SYTL1: variants seen among roughly 807,000 people sequenced by gnomAD.
SYTL1 encodes synaptotagmin-like protein 1.
A neutral mutation model predicts 74.6 loss-of-function variants in SYTL1; 53 were observed. That is an observed-to-expected ratio of 0.71 (90% CI 0.57 to 0.89). The LOEUF is 0.89. SYTL1 is among the 40% of genes least tolerant of loss of function. The probability of loss-of-function intolerance (pLI) is 0.00; values close to 1 mark genes in which losing one functional copy is unlikely to be tolerated. For synonymous variants in SYTL1, 329 were observed against 324.9 expected (o/e 1.01, Z -0.14); for missense variants, 728 against 768.7 (o/e 0.95, Z 0.63).
Position 27,347,814 on chromosome 1 carries a change from A to G in SYTL1, c.347A>G (p.Gln116Arg). Residue 116 changes from glutamine to arginine, a missense_variant, in exon 4 of 15, where the codon CAG becomes CGG. Physicochemically the swap from Gln to Arg is conservative, Grantham distance 43. Transcript: ENST00000616558. The surrounding 1 kb of genome is among the most constrained non-coding windows in gnomAD (Gnocchi z 4.9). ...ACTTCTCACCTGCGCCCAGGAGACC[A>G]GGCTCCAGGCCACGACAGGGAGGCT... ...MRRKKSTRGD[Q>R]APGHDREAEA... 6.2e-7 allele frequency: 1 copy of G among 1,613,488 alleles called. No homozygotes were observed. The highest frequency in any genetic ancestry group is 8.5e-7 in the Non-Finnish European group (1 of 1,179,736).
chr1:27,349,681 T>A lies in SYTL1; in HGVS notation c.663T>A (p.Asn221Lys), dbSNP rs376618710. The change falls in exon 8 of 15, where the codon AAT becomes AAA. Residue 221 changes from asparagine (N) to lysine (K), a missense_variant. Coordinates refer to ENST00000616558, the MANE Select transcript of SYTL1 (RefSeq NM_001193308.2). Reference protein sequence around the residue: ...QTKAASQILENGEEAPGPDPS... With the variant: ...QTKAASQILEKGEEAPGPDPS... Reference sequence around the variant, plus strand: ...AGGCCGCGTCCCAGATCCTGGAGAATGGGGAGGAGGCCCCGGGGCCCGACC... The same window carrying A: ...AGGCCGCGTCCCAGATCCTGGAGAAAGGGGAGGAGGCCCCGGGGCCCGACC... The A allele has an allele frequency of 1.8e-5, 29 of 1,610,438 alleles. No individual in the cohort carries two copies. Among genetic ancestry groups the A allele is most frequent in the Non-Finnish European group, 2.5e-5 (29 of 1,178,906 alleles).
chr1:27,349,709 T>C lies in SYTL1; in HGVS notation c.691T>C (p.Ser231Pro). 1 of 1,611,014 alleles carries C rather than the reference T, an allele frequency of 6.2e-7. No individual in the cohort carries two copies. The highest frequency in any genetic ancestry group is 8.5e-7 in the Non-Finnish European group (1 of 1,179,368). Reference sequence around the variant, plus strand: ...GGAGGAGGCCCCGGGGCCCGACCCCTCTCTCGACCGCATGCTCAGCAGCAG... The same window carrying C: ...GGAGGAGGCCCCGGGGCCCGACCCCCCTCTCGACCGCATGCTCAGCAGCAG... ...NGEEAPGPDPSLDRMLSSSSS... is the reference protein window; with the variant it reads ...NGEEAPGPDPPLDRMLSSSSS... Residue 231 changes from serine to proline, a missense_variant, in exon 8 of 15, where the codon TCT (serine) becomes CCT (proline). Transcript: ENST00000616558.
chr1:27,349,796 C>CG, intron 8 of SYTL1, 31 bp downstream of exon 8: 7 of 1,566,372 alleles, frequency 4.5e-6, no homozygotes, highest in Non-Finnish European at 6.0e-6. Flanking sequence ...CCCGGGCGGC[C>CG]GGGGGGTGGA....
chr1:27,342,558 G>C lies in SYTL1; in HGVS notation c.-39+408G>C, dbSNP rs558038210. 9.9e-5 allele frequency among the ~76,000 whole-genome samples: 15 copies of C among 152,162 alleles called. No individual in the cohort carries two copies. Among genetic ancestry groups the C allele is most frequent in the Non-Finnish European group, 2.2e-4 (15 of 68,034 alleles). On this transcript the variant is annotated intron_variant, in intron 1 of 14. Transcript: ENST00000616558. The surrounding 1 kb of genome is among the most constrained non-coding windows in gnomAD (Gnocchi z 4.7). ...ACACCTGGTGGCCCCCAAGGCACCA[G>C]GGGACACCCCACAGCACACAGCCCA...
intron 2 of SYTL1, among the ~76,000 whole-genome samples, chr1:27,346,327 C>T (rs1483203072): frequency 2.0e-5 from 3 of 152,234 alleles, no homozygotes; most frequent in Non-Finnish European, 2.9e-5. Context: ...TGGAAGAGCA[C>T]AGTTGTAGAA....
In SYTL1 at chr1:27,351,129, G is replaced by C; in HGVS notation, c.1165-129G>C. The C allele has an allele frequency of 7.5e-7, 1 of 1,333,112 alleles. No individual in the cohort carries two copies. Among genetic ancestry groups the C allele is most frequent in the East Asian group, 2.5e-5 (1 of 39,686 alleles). The allele number at this position is 1,333,112 out of a possible 1,614,324, so 82.6% of individuals were successfully genotyped here. A position where few individuals can be genotyped will look rare whatever the true frequency, so the allele number is the denominator to read the frequency against. On this transcript the variant is annotated intron_variant, in intron 11 of 14. Transcript: ENST00000616558. This position sits in a 1 kb window ranked among gnomAD's most constrained non-coding sequence, Gnocchi z 5.0. ...ACGGCCCCTTCCCCGAGGGCGCTAG[G>C]ACCCCTAGGTTCTGCCCCTGCAGGC...
chr1:27,344,185 C>A (rs2014897288), intron 1 of SYTL1, among the ~76,000 whole-genome samples: 1 of 151,770 alleles, frequency 6.6e-6, no homozygotes, highest in Non-Finnish European at 1.5e-5. Flanking sequence ...TTTACCATAA[C>A]CTCTGCCTCC....
In SYTL1 at chr1:27,349,750, C is replaced by G. The variant is rs1162215208; in HGVS notation, c.732C>G (p.Ser244Arg). Reference sequence around the variant, plus strand: ...TCAGCAGCAGCTCCTCGGTGTCCAGCCTTAACTCCTCCACGGTGAGGCGGG... The same window carrying G: ...TCAGCAGCAGCTCCTCGGTGTCCAGGCTTAACTCCTCCACGGTGAGGCGGG... The part of the protein sequence containing the change: ...RMLSSSSSVS[S>R]LNSSTLSGSQ... The change falls in exon 8 of 15, where the codon AGC (serine) becomes AGG (arginine). Residue 244 changes from serine to arginine, a missense_variant. Ser to Arg is a moderately radical substitution (Grantham distance 110). Transcript: ENST00000616558. 1.9e-6 allele frequency: 3 copies of G among 1,604,354 alleles called. No individual in the cohort carries two copies. The highest frequency in any genetic ancestry group is 2.5e-6 in the Non-Finnish European group (3 of 1,178,524).
chr1:27,343,632 AGGT>A lies in SYTL1; in HGVS notation c.-39+1485_-39+1487del, dbSNP rs2014873275. On this transcript the variant is annotated intron_variant, in intron 1 of 14. Transcript: ENST00000616558. This position sits in a 1 kb window ranked among gnomAD's most constrained non-coding sequence, Gnocchi z 5.2. ...TGTGTGTGTGTGTATCTGTCTGTCT[AGGT>A]GGGTGGTTGTATGTGTGCATTCCCA... 6.6e-6 allele frequency among the ~76,000 whole-genome samples: 1 copy of A among 151,800 alleles called. No individual in the cohort carries two copies. Among genetic ancestry groups the A allele is most frequent in the Non-Finnish European group, 1.5e-5 (1 of 67,888 alleles).
chr1:27,346,386 C>T (rs956715161), intron 2 of SYTL1, among the ~76,000 whole-genome samples: 7 of 152,210 alleles, frequency 4.6e-5, no homozygotes, highest in East Asian at 1.9e-4. Context: ...TTCCTAGCTA[C>T]GTAGCCTTGG....
In SYTL1 at chr1:27,351,312, A is replaced by G; in HGVS notation, c.1219A>G (p.Lys407Glu). 1 of 1,561,618 alleles carries G rather than the reference A, an allele frequency of 6.4e-7. No individual in the cohort carries two copies. The highest frequency in any genetic ancestry group is 8.7e-7 in the Non-Finnish European group (1 of 1,153,362). Residue 407 changes from lysine (K) to glutamate (E), a missense_variant, in exon 12 of 15, where the codon AAG becomes GAG. Physicochemically the swap from Lys to Glu is moderately conservative, Grantham distance 56. Transcript: ENST00000616558. This position sits in a 1 kb window ranked among gnomAD's most constrained non-coding sequence, Gnocchi z 5.0. ...PSRGLLALSL[K>E]YVPAGSEGAG... The stretch of plus-strand genomic sequence containing the variant: ...CCGCGGGTTACTCGCCCTGTCCCTC[A>G]AGTACGTCCCCGCCGGCTCCGAGGG...
Position 27,348,137 on chromosome 1 carries a change from T to A in SYTL1, c.459+125T>A, listed in dbSNP as rs543363223. The A allele has an allele frequency of 3.3e-6, 3 of 906,618 alleles. No individual in the cohort carries two copies. The South Asian group carries it at 4.3e-5, about 13-fold the overall frequency. 56.2% of individuals were successfully genotyped at this position (906,618 alleles called of 1,614,324 possible). ...CCCTGGAAATGTTCCTTCCTGTGTC[T>A]GCACCTCATCACCTCCTGGGTGGAA... On this transcript the variant is annotated intron_variant, in intron 5 of 14. Transcript: ENST00000616558. This position sits in a 1 kb window ranked among gnomAD's most constrained non-coding sequence, Gnocchi z 4.1.
chr1:27,351,215 C>T lies in SYTL1; in HGVS notation c.1165-43C>T, dbSNP rs1390699774. 2 of 1,546,908 alleles carry T rather than the reference C, an allele frequency of 1.3e-6. No individual in the cohort carries two copies. Among genetic ancestry groups the T allele is most frequent in the African/African-American group, 1.4e-5 (1 of 72,990 alleles). ...TGCAGACCCCACCCTCCTGAGGCCC[C>T]TTTCCATTAGCCCCTGCTCCACGAT... is the stretch of plus-strand genomic sequence containing the variant. On this transcript the variant is annotated intron_variant, in intron 11 of 14. Coordinates refer to ENST00000616558, the MANE Select transcript of SYTL1 (RefSeq NM_001193308.2). The surrounding 1 kb of genome is among the most constrained non-coding windows in gnomAD (Gnocchi z 5.0).
In SYTL1 at chr1:27,342,323, A is replaced by C; in HGVS notation, c.-39+173A>C. 1 of 985,300 alleles carries C rather than the reference A, an allele frequency of 1.0e-6. No homozygotes were observed. Among genetic ancestry groups the C allele is most frequent in the Non-Finnish European group, 1.2e-6 (1 of 829,792 alleles). The allele number at this position is 985,300 out of a possible 1,614,324, so 61.0% of individuals were successfully genotyped here. A position where few individuals can be genotyped will look rare whatever the true frequency, so the allele number is the denominator to read the frequency against. On this transcript the variant is annotated intron_variant, in intron 1 of 14. Coordinates refer to ENST00000616558, the MANE Select transcript of SYTL1 (RefSeq NM_001193308.2). The surrounding 1 kb of genome is among the most constrained non-coding windows in gnomAD (Gnocchi z 4.7). ...TCCTCTTGACCAATGGGTCTGTCCC[A>C]CCGTGTCAAAACAGCAGAGAAGACC...
rs186415033 is a variant in SYTL1 at position 27,348,868 on chromosome 1, T to C, written c.460-212T>C. On this transcript the variant is annotated intron_variant, in intron 5 of 14. Coordinates refer to ENST00000616558, the MANE Select transcript of SYTL1 (RefSeq NM_001193308.2). The surrounding 1 kb of genome is among the most constrained non-coding windows in gnomAD (Gnocchi z 4.1). Reference sequence around the variant, plus strand: ...GTACGAATGACCCCACCAATGGGAGTAGGGAGTCAGGCGGCACAAGCCCTG... The same window carrying C: ...GTACGAATGACCCCACCAATGGGAGCAGGGAGTCAGGCGGCACAAGCCCTG... Among the ~76,000 whole-genome samples the C allele has an allele frequency of 1.3e-3, 197 of 151,390 alleles. 2 individuals are homozygous for C. Among genetic ancestry groups the C allele is most frequent in the African/African-American group, 3.7e-3 (152 of 41,164 alleles).
chr1:27,350,669 T>C lies in SYTL1; in HGVS notation c.1006-125T>C. 2 of 1,249,294 alleles carry C rather than the reference T, an allele frequency of 1.6e-6. No individual in the cohort carries two copies. Among genetic ancestry groups the C allele is most frequent in the Non-Finnish European group, 2.2e-6 (2 of 893,694 alleles). The allele number at this position is 1,249,294 out of a possible 1,614,324, so 77.4% of individuals were successfully genotyped here. On this transcript the variant is annotated intron_variant, in intron 10 of 14. Coordinates refer to ENST00000616558, the MANE Select transcript of SYTL1 (RefSeq NM_001193308.2). This position sits in a 1 kb window ranked among gnomAD's most constrained non-coding sequence, Gnocchi z 6.3. ...TGGTGATAGTGCAGGTCCCCATTAA[T>C]GCCCTTAGGGGCTCCCCAGAATTCC...
At position 27,348,723 on chromosome 1, in the gene SYTL1, G is replaced by T. The variant is rs1438303820; in HGVS notation, c.460-357G>T. Among the ~76,000 whole-genome samples, 1 of 151,292 alleles carries T rather than the reference G, an allele frequency of 6.6e-6. No individual in the cohort carries two copies. The highest frequency in any genetic ancestry group is 1.5e-5 in the Non-Finnish European group (1 of 67,828). On this transcript the variant is annotated intron_variant, in intron 5 of 14. Transcript: ENST00000616558. The surrounding 1 kb of genome is among the most constrained non-coding windows in gnomAD (Gnocchi z 4.1). ...ACTCTGTCTCAATTAAAAATAATAA[G>T]AATAAATTTAAAAAAAGAAAAAAGG... is the stretch of plus-strand genomic sequence containing the variant.
At chr1:27,353,576 T>G (rs879125974) in intron 14 of SYTL1, 88 bp downstream of exon 14, 3 of 1,530,484 alleles carry the variant, frequency 2.0e-6, no homozygotes, top group Admixed American at 1.9e-5. Context: ...CTCTCTGTCC[T>G]TTCCTGAGCT....
Position 27,351,323 on chromosome 1 carries a change from C to A in SYTL1, c.1230C>A (p.Pro410=). ...GLLALSLKYV[P]AGSEGAGLPP... is the part of the protein sequence containing the mutation. ...TCGCCCTGTCCCTCAAGTACGTCCCCGCCGGCTCCGAGGGTGAGTGACAGC... is the reference window on the plus strand; with the variant it reads ...TCGCCCTGTCCCTCAAGTACGTCCCAGCCGGCTCCGAGGGTGAGTGACAGC... Residue 410 remains proline (P), a synonymous_variant, in exon 12 of 15, where the codon CCC becomes CCA. Transcript: ENST00000616558. This position sits in a 1 kb window ranked among gnomAD's most constrained non-coding sequence, Gnocchi z 5.0. 2 of 1,556,274 alleles carry A rather than the reference C, an allele frequency of 1.3e-6. No individual in the cohort carries two copies. The highest frequency in any genetic ancestry group is 2.4e-5 in the East Asian group (1 of 41,998).
Sources: allele counts gnomAD v4.1 joint callset (sites outside exome capture counted in the v4.1 genomes callset), GRCh38; gene constraint gnomAD v4.1.1; non-coding constraint Gnocchi (gnomAD v3.1); transcripts MANE v1.5; gene names NCBI Gene and HGNC (gene_info 2026-07-23, HGNC 2026-07-21).